Variants in TAB2 observed in about 807,000 individuals in gnomAD.
The protein encoded by TAB2 is TGF-beta activated kinase 1 (MAP3K7) binding protein 2.
A neutral mutation model predicts 65.0 loss-of-function variants in TAB2; 3 were observed. That is an observed-to-expected ratio of 0.05 (90% confidence interval 0.02 to 0.12). The LOEUF is 0.12. Among genes scored for constraint, TAB2 ranks in the 10% least tolerant of loss-of-function variants. The pLI is 1.00. For missense variants in TAB2, 623 were observed against 840.3 expected, an observed-to-expected ratio of 0.74 and a Z score of 3.20; for synonymous variants, 298 against 285.1, an observed-to-expected ratio of 1.05 and a Z score of -0.46.
intron 1 of TAB2, among the ~76,000 whole-genome samples, chr6:149,223,129 C>A (rs778312063): frequency 5.3e-5 from 8 of 152,136 alleles, no homozygotes; most frequent in Non-Finnish European, 1.2e-4. Context: ...TTACAAAAAA[C>A]AAACTCAAAA....
rs1562389239 is a variant in TAB2, at chr6:149,253,964, AAGAAAGAAAGAAAGAAAG to A, written c.-121+35190_-121+35207del. Among the ~76,000 whole-genome samples the A allele has an allele frequency of 8.5e-3, 709 of 83,298 alleles. 6 individuals carry two copies. The highest frequency in any genetic ancestry group is 0.013 in the South Asian group (32 of 2,490). 54.6% of individuals were successfully genotyped at this position (83,298 alleles called of 152,430 possible). ...AAAGAGAAAGAAAGAAAGAAAAAGA[AAGAAAGAAAGAAAGAAAG>A]AAAGAAAGAAAGAAAGAAAGAAAGA... On this transcript the variant is annotated intron_variant, in intron 1 of 1. Coordinates refer to the TAB2 transcript ENST00000606202.
chr6:149,326,271 C>CAA (rs59070515), intron 1 of TAB2, among the ~76,000 whole-genome samples: 1 of 124,998 alleles, frequency 8.0e-6, no homozygotes, highest in African/African-American at 3.0e-5. Context: ...GACCCCATCT[C>CAA]AAAAAAAAAA....
intron 1 of TAB2, among the ~76,000 whole-genome samples, chr6:149,265,960 C>A (rs1256153105): frequency 6.6e-6 from 1 of 152,194 alleles, no homozygotes; most frequent in Non-Finnish European, 1.5e-5. Context: ...AATGTCTGCC[C>A]ATGCCTTTCC....
chr6:149,364,098 ACAGTACAGG>A (rs1157190241), intron 1 of TAB2, among the ~76,000 whole-genome samples: 1 of 152,076 alleles, frequency 6.6e-6, no homozygotes, highest in Non-Finnish European at 1.5e-5. Context: ...ATTGCTATCC[ACAGTACAGG>A]CTATTACCAT....
intron 1 of TAB2, among the ~76,000 whole-genome samples, chr6:149,271,802 C>T (rs967145399): frequency 1.3e-5 from 2 of 152,056 alleles, no homozygotes; most frequent in African/African-American, 4.8e-5. Context: ...TCACGGACAA[C>T]CAGAAAGCAG....
chr6:149,341,891 A>AG (rs961589755), intron 1 of TAB2, among the ~76,000 whole-genome samples: 1 of 152,116 alleles, frequency 6.6e-6, no homozygotes, highest in African/African-American at 2.4e-5. Flanking sequence ...GAAATGCCTA[A>AG]GGGTACCAGC....
intron 1 of TAB2, among the ~76,000 whole-genome samples, chr6:149,344,522 A>G (rs987251745): frequency 6.6e-6 from 1 of 152,208 alleles, no homozygotes; most frequent in Non-Finnish European, 1.5e-5. Context: ...TTAATATATT[A>G]TAGAAATTGT....
chr6:149,348,687 G>A (rs1780384737), intron 1 of TAB2, among the ~76,000 whole-genome samples: 1 of 151,994 alleles, frequency 6.6e-6, no homozygotes, highest in African/African-American at 2.4e-5. Context: ...GATAAGGCCG[G>A]GCGCAGTGGC....
At chr6:149,337,460 G>T (rs934025255) in intron 1 of TAB2, among the ~76,000 whole-genome samples, 1 of 152,054 alleles carries the variant, frequency 6.6e-6, no homozygotes, top group Admixed American at 6.6e-5. Flanking sequence ...CCACACTGAG[G>T]GGTTTTAGCT....
chr6:149,396,966 T>C (rs1372786842), intron 3 of TAB2, among the ~76,000 whole-genome samples: 4 of 152,212 alleles, frequency 2.6e-5, no homozygotes, highest in African/African-American at 7.2e-5. Flanking sequence ...GAGCTTGTCC[T>C]TTCCGAGGGT....
At chr6:149,407,291 C>G (rs1437783292) in intron 6 of TAB2, among the ~76,000 whole-genome samples, 2 of 152,076 alleles carry the variant, frequency 1.3e-5, no homozygotes, top group African/African-American at 4.8e-5. Context: ...TCTTCCTACC[C>G]TTTTTGAAAA....
intron 1 of TAB2, among the ~76,000 whole-genome samples, chr6:149,306,977 T>C (rs1429961053): frequency 6.6e-6 from 1 of 152,208 alleles, no homozygotes; most frequent in Non-Finnish European, 1.5e-5. Flanking sequence ...ACAGTAATTG[T>C]CTTTTTGTCG....
intron 1 of TAB2, among the ~76,000 whole-genome samples, chr6:149,284,682 A>ACG (rs1336758081): frequency 6.7e-6 from 1 of 150,074 alleles, no homozygotes; most frequent in East Asian, 1.9e-4. Flanking sequence ...ACACACACAC[A>ACG]CACACACACA....
chr6:149,357,731 G>A (rs992612491), intron 1 of TAB2, among the ~76,000 whole-genome samples: 5 of 149,356 alleles, frequency 3.3e-5, no homozygotes, highest in South Asian at 2.1e-4. Context: ...ACAGAGTCTC[G>A]CTCTGTCACC....
intron 1 of TAB2, among the ~76,000 whole-genome samples, chr6:149,297,592 A>G (rs1425915896): frequency 6.6e-6 from 1 of 152,200 alleles, no homozygotes; most frequent in Admixed American, 6.5e-5. Flanking sequence ...TGGCATGATC[A>G]TAGCTCACTG....
At chr6:149,248,045 C>T (rs1437561693) in intron 1 of TAB2, 1 of 152,110 alleles carries the variant, frequency 6.6e-6, no homozygotes, top group Non-Finnish European at 1.5e-5. Context: ...CCTGCATGTT[C>T]TGCACATGCA....
At chr6:149,381,369 C>T (rs1175016712) in intron 3 of TAB2, among the ~76,000 whole-genome samples, 2 of 152,096 alleles carry the variant, frequency 1.3e-5, no homozygotes, top group East Asian at 3.9e-4. Flanking sequence ...TCCTGTCCTT[C>T]CATCAAAACA....
chr6:149,371,215 A>G (rs1320203853), intron 2 of TAB2, among the ~76,000 whole-genome samples: 2 of 152,078 alleles, frequency 1.3e-5, no homozygotes, highest in Admixed American at 6.5e-5. Context: ...CCTTATCACC[A>G]TTATCACCTT....
intron 1 of TAB2, among the ~76,000 whole-genome samples, chr6:149,258,274 T>G (rs1251415595): frequency 6.6e-6 from 1 of 152,128 alleles, no homozygotes; most frequent in Non-Finnish European, 1.5e-5. Flanking sequence ...CTTACAGCAT[T>G]TGCCGCTTTC....
Sources: gnomAD v4.1 joint callset for allele counts (sites outside exome capture counted in the v4.1 genomes callset) on GRCh38, gnomAD v4.1.1 for gene constraint, MANE v1.5 for transcripts, NCBI Gene and HGNC (gene_info 2026-07-23, HGNC 2026-07-21) for gene names.